The following CELF4 variants were observed in gnomAD, a reference collection of about 807,000 sequenced individuals.
CELF4 encodes the protein CUGBP Elav-like family member 4, also known as CUG-BP- and ETR-3-like factor 4.
A neutral mutation model predicts 59.9 loss-of-function variants in CELF4; 18 were observed. That is an observed-to-expected ratio of 0.30 (90% CI 0.21 to 0.45). CELF4 has a LOEUF of 0.45. CELF4 is among the 20% of genes least tolerant of loss of function. The pLI is 1.00. For missense variants in CELF4, 456 were observed against 689.0 expected, an observed-to-expected ratio of 0.66 and a Z score of 3.79; for synonymous variants, 261 against 267.1, an observed-to-expected ratio of 0.98 and a Z score of 0.22.
At chr18:37,294,598 G>C (rs1334270908) in intron 3 of CELF4, among the ~76,000 whole-genome samples, 2 of 152,172 alleles carry the variant, frequency 1.3e-5, no homozygotes, top group Admixed American at 6.5e-5. Context: ...ATTTATTCTA[G>C]AACTTAGCCA....
rs2098060799 is a variant in CELF4 at position 37,341,961 on chromosome 18, T to C, written c.370-20080A>G. ...CCTTGCTAAGACTCGCTTACTCTCC[T>C]TGTTTGTGATCTATCTGTAAATGGA... On this transcript the variant is annotated intron_variant, in intron 2 of 12. Transcript: ENST00000420428. 2.6e-5 allele frequency among the ~76,000 whole-genome samples: 4 copies of C among 152,104 alleles called. No individual in the cohort carries two copies. The South Asian group carries it at 8.3e-4, about 32-fold the overall frequency.
chr18:37,293,407 GCT>G (rs1465303369), intron 3 of CELF4, among the ~76,000 whole-genome samples: 1 of 152,150 alleles, frequency 6.6e-6, no homozygotes, highest in African/African-American at 2.4e-5. Context: ...CCTACGTGGT[GCT>G]CTCTCTGTAT....
At chr18:37,479,615 A>G (rs1422354501) in intron 2 of CELF4, among the ~76,000 whole-genome samples, 1 of 152,224 alleles carries the variant, frequency 6.6e-6, no homozygotes, top group African/African-American at 2.4e-5. Context: ...AGAAAGAAAA[A>G]AGCATGAATC....
At chr18:37,472,997 C>G (rs1328812172) in intron 2 of CELF4, among the ~76,000 whole-genome samples, 1 of 152,136 alleles carries the variant, frequency 6.6e-6, no homozygotes, top group South Asian at 2.1e-4. Flanking sequence ...ACCCCCGAAC[C>G]CTGCGACTCA....
intron 2 of CELF4, among the ~76,000 whole-genome samples, chr18:37,325,123 T>A (rs1055503435): frequency 6.6e-6 from 1 of 151,846 alleles, no homozygotes. Context: ...CACAGGGGTG[T>A]GAACCAGAAT....
intron 2 of CELF4, among the ~76,000 whole-genome samples, chr18:37,376,376 C>G (rs997747040): frequency 6.6e-6 from 1 of 152,186 alleles, no homozygotes; most frequent in African/African-American, 2.4e-5. Context: ...GCTTGGTGTT[C>G]TTCTCTCCCT....
chr18:37,437,781 A>G (rs1040153079), intron 2 of CELF4, among the ~76,000 whole-genome samples: 2 of 152,208 alleles, frequency 1.3e-5, no homozygotes, highest in African/African-American at 4.8e-5. Context: ...TAACAGTCAG[A>G]ATACACATCA....
chr18:37,491,343 T>TA (rs2099904476), intron 1 of CELF4, among the ~76,000 whole-genome samples: 1 of 152,190 alleles, frequency 6.6e-6, no homozygotes, highest in African/African-American at 2.4e-5. Flanking sequence ...TTCTATCACA[T>TA]ACGCTGAACA....
chr18:37,264,967 C>A (rs908920978), intron 9 of CELF4, among the ~76,000 whole-genome samples: 4 of 151,388 alleles, frequency 2.6e-5, no homozygotes, highest in Admixed American at 2.0e-4. Flanking sequence ...GGTGTGTGTA[C>A]GTGTGTGTGT....
At chr18:37,498,576 C>G (rs910795427) in intron 1 of CELF4, among the ~76,000 whole-genome samples, 1 of 151,708 alleles carries the variant, frequency 6.6e-6, no homozygotes, top group Non-Finnish European at 1.5e-5. Flanking sequence ...TGACTAGCAC[C>G]TATATTATCT....
At chr18:37,471,965 C>T (rs1416377153) in intron 2 of CELF4, among the ~76,000 whole-genome samples, 1 of 152,202 alleles carries the variant, frequency 6.6e-6, no homozygotes, top group African/African-American at 2.4e-5. Flanking sequence ...CCATCTTAAT[C>T]CATGAGGGTG....
chr18:37,274,181 T>C (rs574454414), intron 6 of CELF4, 130 bp downstream of exon 6: 3 of 1,505,010 alleles, frequency 2.0e-6, no homozygotes, highest in South Asian at 1.3e-5. Context: ...CATGGGTTCA[T>C]TCCCGGCCCC....
At chr18:37,404,851 C>T (rs949887104) in intron 2 of CELF4, among the ~76,000 whole-genome samples, 1 of 152,242 alleles carries the variant, frequency 6.6e-6, no homozygotes, top group African/African-American at 2.4e-5. Context: ...ACCATTAGCA[C>T]TCATTTTGGG....
chr18:37,378,799 G>A lies in CELF4; in HGVS notation c.370-56918C>T, dbSNP rs2099002267. 4.6e-5 allele frequency among the ~76,000 whole-genome samples: 7 copies of A among 152,150 alleles called. No homozygotes were observed. The South Asian group carries it at 1.5e-3, about 32-fold the overall frequency. ...CAGAGGAAGGAGTAGCTGTGGGGGT[G>A]CACTGCCCCACGAGTCAAAAGCAGG... On this transcript the variant is annotated intron_variant, in intron 2 of 12. Coordinates refer to ENST00000420428, the MANE Select transcript of CELF4 (RefSeq NM_020180.4).
intron 2 of CELF4, among the ~76,000 whole-genome samples, chr18:37,444,652 A>ACG (rs1557426532): frequency 7.6e-5 from 11 of 144,180 alleles, no homozygotes; most frequent in South Asian, 2.3e-4. Flanking sequence ...ACACACACAC[A>ACG]CGCGAACGAT....
chr18:37,257,878 T>C (rs1416849435), intron 11 of CELF4, among the ~76,000 whole-genome samples: 1 of 151,948 alleles, frequency 6.6e-6, no homozygotes, highest in Non-Finnish European at 1.5e-5. Context: ...AGGAGAAGGA[T>C]GAGGAGGTCG....
chr18:37,263,545 GCC>G (rs2075978304), intron 10 of CELF4, among the ~76,000 whole-genome samples: 1 of 151,948 alleles, frequency 6.6e-6, no homozygotes, highest in South Asian at 2.1e-4. Flanking sequence ...TTAGTGTCCT[GCC>G]CCCTCAAGCT....
intron 2 of CELF4, among the ~76,000 whole-genome samples, chr18:37,398,338 C>A (rs1187031477): frequency 6.6e-6 from 1 of 152,148 alleles, no homozygotes; most frequent in Admixed American, 6.5e-5. Flanking sequence ...GGGTAGGTTT[C>A]GGGAGCAGAA....
chr18:37,440,630 C>T (rs928924505), intron 2 of CELF4, among the ~76,000 whole-genome samples: 3 of 152,252 alleles, frequency 2.0e-5, no homozygotes, highest in African/African-American at 7.2e-5. Flanking sequence ...TAAATGGCAC[C>T]GGTTCAATTT....
Sources: gnomAD v4.1 joint callset for allele counts (sites outside exome capture counted in the v4.1 genomes callset) on GRCh38, gnomAD v4.1.1 for gene constraint, MANE v1.5 for transcripts, NCBI Gene and HGNC (gene_info 2026-07-23, HGNC 2026-07-21) for gene names.